COL11A1: variants seen among roughly 807,000 people sequenced by gnomAD.
COL11A1 encodes collagen alpha-1(XI) chain.
COL11A1 carries 74 observed loss-of-function variants against 265.2 expected under a neutral mutation model. The ratio of observed to expected loss-of-function variants is 0.28; its 90% CI spans 0.23 to 0.34. The LOEUF (loss-of-function observed/expected upper bound fraction) is 0.34, where lower values mean the gene tolerates loss of function less well. COL11A1 is among the 10% of genes least tolerant of loss of function. The pLI is 1.00. For missense variants in COL11A1, 2,165 were observed against 2,263.6 expected (o/e 0.96, Z 0.88); for synonymous variants, 816 against 727.6 (o/e 1.12, Z -1.96).
intron 44 of COL11A1, among the ~76,000 whole-genome samples, chr1:102,938,171 C>A (rs1321534202): frequency 1.3e-5 from 2 of 151,796 alleles, no homozygotes; most frequent in African/African-American, 4.8e-5. Flanking sequence ...ATCTTCTTTC[C>A]GTTATGTGTT....
rs1649558267 is a variant in COL11A1, at chr1:102,876,858, T to C, written c.*1161A>G. The stretch of plus-strand genomic sequence containing the variant: ...AAATACTCTTAATAACAGTCCACCA[T>C]ATGTTATTCATTTAGCAATTAGGTA... On this transcript the variant is annotated 3_prime_UTR_variant, in exon 67 of 67. Coordinates refer to ENST00000370096, the MANE Select transcript of COL11A1 (RefSeq NM_001854.4). 6.6e-6 allele frequency: 1 copy of C among 152,240 alleles called. No individual in the cohort carries two copies. Among genetic ancestry groups the C allele is most frequent in the Non-Finnish European group, 1.5e-5 (1 of 67,948 alleles). The allele number at this position is 152,240 out of a possible 1,614,324, so 9.4% of individuals were successfully genotyped here.
chr1:102,878,138 T>C lies in COL11A1; in HGVS notation c.5302A>G (p.Ile1768Val). The change falls in exon 67 of 67, where the codon ATT (isoleucine) becomes GTT (valine). Residue 1768 changes from isoleucine (I) to valine (V), a missense_variant. Transcript: ENST00000370096. ...ASRKGYEKTV[I>V]EINTPKIDQV... ...TCAATTTTTGGTGTATTGATTTCAA[T>C]GACAGTCTTTTCATAGCCTTTTCTG... is the stretch of plus-strand genomic sequence containing the variant. 2 of 1,612,950 alleles carry C rather than the reference T, an allele frequency of 1.2e-6. No individual in the cohort carries two copies. Among genetic ancestry groups the C allele is most frequent in the Non-Finnish European group, 1.7e-6 (2 of 1,179,232 alleles).
chr1:103,087,702 A>G (rs541409695), intron 1 of COL11A1, among the ~76,000 whole-genome samples: 77 of 152,342 alleles, frequency 5.1e-4, no homozygotes, highest in African/African-American at 1.8e-3. Flanking sequence ...CTGAAGGATA[A>G]GAATATACCT....
chr1:103,031,249 G>GAAAAAA lies in COL11A1; in HGVS notation c.652-11_652-6dup. ...CAAAAACTGCTGAATGTCCCCCTGG[G>GAAAAAA]AAAAAAAAAAAAACAAAAACAAACA... On this transcript the variant is annotated splice_polypyrimidine_tract_variant and splice_region_variant and intron_variant, in intron 4 of 66. Coordinates refer to ENST00000370096, the MANE Select transcript of COL11A1 (RefSeq NM_001854.4). The GAAAAAA allele has an allele frequency of 2.9e-6, 4 of 1,363,298 alleles. 1 individual carries two copies. The highest frequency in any genetic ancestry group is 3.9e-5 in the Admixed American group (2 of 51,756). 84.5% of individuals were successfully genotyped at this position (1,363,298 alleles called of 1,614,324 possible).
In COL11A1 at chr1:102,955,656, G is replaced by A. The variant is rs115892936; in HGVS notation, c.3168+6210C>T. On this transcript the variant is annotated intron_variant, in intron 41 of 66. Coordinates refer to ENST00000370096, the MANE Select transcript of COL11A1 (RefSeq NM_001854.4). ...AATATCTGGAGGAGAGATTATTTAG[G>A]GAAAATATATTTTCCCTAAATATTA... Among the ~76,000 whole-genome samples, 1,092 of 151,796 alleles carry A rather than the reference G, an allele frequency of 7.2e-3. 14 individuals are homozygous for A. Among genetic ancestry groups the A allele is most frequent in the African/African-American group, 0.025 (1,038 of 41,382 alleles).
intron 4 of COL11A1, among the ~76,000 whole-genome samples, chr1:103,032,027 T>G (rs1415350): frequency 1.3e-5 from 2 of 151,970 alleles, no homozygotes; most frequent in African/African-American, 4.8e-5. Flanking sequence ...CTGCTCTTGA[T>G]GTAATGTGGC....
Position 102,886,955 on chromosome 1 carries a change from A to C in COL11A1, c.4710T>G (p.Leu1570=). 6.2e-7 allele frequency: 1 copy of C among 1,613,936 alleles called. No individual in the cohort carries two copies. Among genetic ancestry groups the C allele is most frequent in the Non-Finnish European group, 8.5e-7 (1 of 1,179,866 alleles). Residue 1570 remains leucine, a synonymous_variant, in exon 63 of 67, where the codon CTT becomes CTG. Coordinates refer to ENST00000370096, the MANE Select transcript of COL11A1 (RefSeq NM_001854.4). The stretch of plus-strand genomic sequence containing the variant: ...TTTCTTCCATTCCATCCGAGTAATC[A>C]AGAATATTATCATCTGCATCTGCTT... The part of the protein sequence containing the change: ...GMQADADDNI[L]DYSDGMEEIF...
At chr1:103,019,009 G>T (rs1355538121) in intron 9 of COL11A1, 150 bp from the exon 10 acceptor site, 2 of 624,572 alleles carry the variant, frequency 3.2e-6, no homozygotes, top group African/African-American at 3.7e-5. Context: ...TTTTTGCACA[G>T]GGAAGGAAAG....
At chr1:103,003,157 T>C in intron 21 of COL11A1, 58 bp downstream of exon 21, 5 of 1,585,512 alleles carry the variant, frequency 3.2e-6, no homozygotes, top group East Asian at 2.2e-5. Context: ...TTATGGCCTC[T>C]AAAAGGTTGG....
At chr1:102,994,908 G>A (rs1664479453) in intron 28 of COL11A1, among the ~76,000 whole-genome samples, 1 of 152,022 alleles carries the variant, frequency 6.6e-6, no homozygotes, top group African/African-American at 2.4e-5. Flanking sequence ...GAAGGCAAAG[G>A]AGAAACAAGT....
At chr1:102,976,639 G>A (rs1359252873) in intron 35 of COL11A1, among the ~76,000 whole-genome samples, 1 of 151,784 alleles carries the variant, frequency 6.6e-6, no homozygotes, top group African/African-American at 2.4e-5. Context: ...TTTCCAGGTG[G>A]GATTTTAAGA....
intron 36 of COL11A1, among the ~76,000 whole-genome samples, chr1:102,970,883 A>G (rs929808868): frequency 1.3e-5 from 2 of 152,046 alleles, no homozygotes; most frequent in African/African-American, 4.8e-5. Context: ...GCGTGGTGGC[A>G]CACGCCTGTA....
At chr1:102,950,313 A>G (rs905186744) in intron 41 of COL11A1, among the ~76,000 whole-genome samples, 2 of 152,204 alleles carry the variant, frequency 1.3e-5, no homozygotes, top group Middle Eastern at 3.4e-3. Flanking sequence ...GCTCTTTGTC[A>G]TATTGTTTAT....
At chr1:103,078,517 ATG>A in intron 3 of COL11A1, 139 bp downstream of exon 3, 1 of 730,330 alleles carries the variant, frequency 1.4e-6, no homozygotes, top group Non-Finnish European at 2.4e-6. Context: ...ACTATAAATT[ATG>A]TCTTTATGTA....
chr1:102,983,172 G>A lies in COL11A1; in HGVS notation c.2556+966C>T, dbSNP rs371978298. Among the ~76,000 whole-genome samples the A allele has an allele frequency of 1.8e-4, 28 of 152,060 alleles. No homozygotes were observed. In the East Asian group the frequency reaches 2.9e-3, roughly 16 times the overall value. ...GCATCCTTAACAAAGTTTTATGATAGGTTTGAGAAAAATTAGTACACCGAG... is the reference window on the plus strand; with the variant it reads ...GCATCCTTAACAAAGTTTTATGATAAGTTTGAGAAAAATTAGTACACCGAG... On this transcript the variant is annotated intron_variant, in intron 31 of 66. Transcript: ENST00000370096.
At chr1:102,927,180 A>G (rs959449823) in intron 46 of COL11A1, among the ~76,000 whole-genome samples, 9 of 152,148 alleles carry the variant, frequency 5.9e-5, no homozygotes, top group Non-Finnish European at 1.2e-4. Flanking sequence ...CAATTTACAT[A>G]GGCTTTTCTA....
chr1:102,939,427 A>G (rs905904530), intron 43 of COL11A1, among the ~76,000 whole-genome samples: 1 of 152,212 alleles, frequency 6.6e-6, no homozygotes, highest in Non-Finnish European at 1.5e-5. Context: ...TTTACCAGCT[A>G]GGTTCTGGGT....
Position 103,026,109 on chromosome 1 carries a change from T to A in COL11A1, c.897+107A>T, listed in dbSNP as rs1667488919. ...AATCACAGTTATTGGTTCAGAGAAA[T>A]AAGATGAATGAAAGGTTTATGGTAA... On this transcript the variant is annotated intron_variant, in intron 6 of 66. Transcript: ENST00000370096. The A allele has an allele frequency of 3.4e-6, 4 of 1,189,782 alleles. No homozygotes were observed. The Admixed American group carries it at 5.0e-5, about 15-fold the overall frequency. 73.7% of individuals were successfully genotyped at this position (1,189,782 alleles called of 1,614,324 possible).
At chr1:103,095,439 C>T (rs372416476) in intron 1 of COL11A1, among the ~76,000 whole-genome samples, 20 of 151,956 alleles carry the variant, frequency 1.3e-4, no homozygotes, top group African/African-American at 4.3e-4. Flanking sequence ...AAAGAACAGG[C>T]AAGGCCTCAA....
Sources: allele counts gnomAD v4.1 joint callset (sites outside exome capture counted in the v4.1 genomes callset), GRCh38; gene constraint gnomAD v4.1.1; transcripts MANE v1.5; gene names NCBI Gene and HGNC (gene_info 2026-07-23, HGNC 2026-07-21).